The following NCKAP5 variants were observed in gnomAD, a reference collection of about 807,000 sequenced individuals.
The protein encoded by NCKAP5 is nck-associated protein 5.
Under a neutral mutation model 167.0 loss-of-function variants are expected in NCKAP5, and 92 were observed. The observed-to-expected ratio is 0.55, with a 90% CI of 0.47 to 0.66. NCKAP5 has a LOEUF of 0.66. Ranked by LOEUF, NCKAP5 falls within the 30% of genes least tolerant of loss-of-function variation. The probability of loss-of-function intolerance (pLI) is 0.00; values close to 1 mark genes in which losing one functional copy is unlikely to be tolerated. For synonymous variants in NCKAP5, 891 were observed against 877.4 expected, an observed-to-expected ratio of 1.02 and a Z score of -0.27; for missense variants, 2,378 against 2,315.0, an observed-to-expected ratio of 1.03 and a Z score of -0.56.
rs141500335 is a variant in NCKAP5, at chr2:132,698,791, G to A, written c.5714-25486C>T. On this transcript the variant is annotated intron_variant, in intron 19 of 19. Coordinates refer to ENST00000409261, the MANE Select transcript of NCKAP5 (RefSeq NM_207363.3). The stretch of plus-strand genomic sequence containing the variant: ...AAGGGTTGCAGTGAGCCAAGATCAC[G>A]CCATTGCACTACAGCCTGGGTAACA... Among the ~76,000 whole-genome samples the A allele has an allele frequency of 4.8e-3, 736 of 152,070 alleles. 4 individuals carry two copies. Among genetic ancestry groups the A allele is most frequent in the African/African-American group, 0.017 (701 of 41,480 alleles).
intron 16 of NCKAP5, among the ~76,000 whole-genome samples, chr2:132,744,369 A>C (rs1038904420): frequency 6.6e-6 from 1 of 151,710 alleles, no homozygotes; most frequent in Non-Finnish European, 1.5e-5. Context: ...AATAGAAGAA[A>C]GATGTCTAGA....
intron 4 of NCKAP5, among the ~76,000 whole-genome samples, chr2:133,286,007 T>C (rs776973852): frequency 2.6e-5 from 4 of 151,930 alleles, no homozygotes; most frequent in Non-Finnish European, 5.9e-5. Context: ...TTCTTTTTTT[T>C]TTTTTTGAGG....
At chr2:132,765,702 A>G (rs1400783960) in intron 16 of NCKAP5, among the ~76,000 whole-genome samples, 1 of 152,178 alleles carries the variant, frequency 6.6e-6, no homozygotes, top group Non-Finnish European at 1.5e-5. Context: ...CTGCAGGCTG[A>G]GATGCTAGAT....
chr2:133,299,517 C>A (rs995920948), intron 4 of NCKAP5, among the ~76,000 whole-genome samples: 8 of 151,972 alleles, frequency 5.3e-5, no homozygotes, highest in African/African-American at 1.9e-4. Flanking sequence ...GAGTCCAAGG[C>A]GGGTGGATCA....
chr2:132,722,931 T>C (rs1456944078), intron 19 of NCKAP5, among the ~76,000 whole-genome samples: 1 of 151,976 alleles, frequency 6.6e-6, no homozygotes, highest in African/African-American at 2.4e-5. Context: ...GCCTCCCACC[T>C]TCCTCTCCCG....
intron 16 of NCKAP5, among the ~76,000 whole-genome samples, chr2:132,760,721 C>G (rs1027218163): frequency 1.3e-5 from 2 of 152,134 alleles, no homozygotes; most frequent in African/African-American, 4.8e-5. Context: ...TGGGTTCTGC[C>G]AGATTCCAAG....
chr2:133,511,698 T>C (rs1192510723), intron 3 of NCKAP5, among the ~76,000 whole-genome samples: 1 of 152,210 alleles, frequency 6.6e-6, no homozygotes. Context: ...CTATTCTAAG[T>C]ACATGTAAGA....
rs2086315245 is a variant in NCKAP5, at chr2:133,213,903, C to T, written c.144-124G>A. ...CTTCCTTGGTTTAGCTCACTTCCTC[C>T]TCTATACTTTCTATAAATATTTAAA... is the stretch of plus-strand genomic sequence containing the variant. On this transcript the variant is annotated intron_variant, in intron 4 of 19. Transcript: ENST00000409261. 5.0e-6 allele frequency: 4 copies of T among 797,288 alleles called. No homozygotes were observed. The Admixed American group carries it at 6.9e-5, about 14-fold the overall frequency. The allele number at this position is 797,288 out of a possible 1,614,324, so 49.4% of individuals were successfully genotyped here. A position where few individuals can be genotyped will look rare whatever the true frequency, so the allele number is the denominator to read the frequency against.
intron 3 of NCKAP5, among the ~76,000 whole-genome samples, chr2:133,492,143 T>TTGTGTGTGTGTGTGTGTG (rs780998843): frequency 1.3e-4 from 11 of 84,452 alleles, no homozygotes; most frequent in South Asian, 7.8e-4. Context: ...CATATCTAGT[T>TTGTGTGTGTGTGTGTGTG]AGTGTGTGTG....
At chr2:133,092,389 G>A (rs1221067236) in intron 6 of NCKAP5, among the ~76,000 whole-genome samples, 1 of 152,148 alleles carries the variant, frequency 6.6e-6, no homozygotes, top group African/African-American at 2.4e-5. Flanking sequence ...CTAGGAAGGA[G>A]CAAAGAAGAA....
the NCKAP5 span, among the ~76,000 whole-genome samples, chr2:133,671,144 G>A: frequency 6.7e-6 from 1 of 150,154 alleles, no homozygotes. Flanking sequence ...GAACCCAGGA[G>A]GCGGAGTTTG....
At chr2:133,430,242 C>T (rs7575284) in intron 3 of NCKAP5, among the ~76,000 whole-genome samples, 56,331 of 151,870 alleles carry the variant, frequency 0.37, 11,929 homozygotes, top group African/African-American at 0.59. Context: ...CTTGTTGACT[C>T]ATTTAAGTTT....
chr2:133,048,085 G>A (rs927122053), intron 6 of NCKAP5, among the ~76,000 whole-genome samples: 2 of 152,168 alleles, frequency 1.3e-5, no homozygotes, highest in Non-Finnish European at 2.9e-5. Flanking sequence ...ACCTTCCACA[G>A]TGTCTCACTG....
intron 2 of NCKAP5, among the ~76,000 whole-genome samples, chr2:133,546,263 A>G (rs1686665267): frequency 6.6e-6 from 1 of 152,238 alleles, no homozygotes; most frequent in African/African-American, 2.4e-5. Flanking sequence ...AGATTTGCAG[A>G]AAGGACAGGA....
In NCKAP5 at chr2:133,155,469, C is replaced by T. The variant is rs147190933; in HGVS notation, c.208-25358G>A. Among the ~76,000 whole-genome samples, 890 of 152,238 alleles carry T rather than the reference C, an allele frequency of 5.8e-3. 15 individuals carry two copies. Among genetic ancestry groups the T allele is most frequent in the East Asian group, 0.021 (109 of 5,178 alleles). ...TTGAGAACCCCTGCCACAGCTCTTT[C>T]CCTGGAAGGTTACTGAGCTACTTCT... On this transcript the variant is annotated intron_variant, in intron 5 of 19. Transcript: ENST00000409261.
chr2:133,029,920 T>C (rs1374118095), intron 6 of NCKAP5, among the ~76,000 whole-genome samples: 2 of 152,180 alleles, frequency 1.3e-5, no homozygotes, highest in Admixed American at 1.3e-4. Flanking sequence ...TCTGGTTATA[T>C]AGCTAACTCC....
chr2:133,585,839 C>T, the NCKAP5 span, among the ~76,000 whole-genome samples: 1 of 152,184 alleles, frequency 6.6e-6, no homozygotes, highest in Non-Finnish European at 1.5e-5. Flanking sequence ...TGTTGGACCT[C>T]AAAGTCTGTG....
intron 6 of NCKAP5, among the ~76,000 whole-genome samples, chr2:133,003,813 T>G (rs1342241201): frequency 6.6e-6 from 1 of 152,210 alleles, no homozygotes; most frequent in Non-Finnish European, 1.5e-5. Flanking sequence ...AAGATGCTAG[T>G]CCAATTTGAA....
chr2:133,221,928 G>C (rs2086677385), intron 4 of NCKAP5, among the ~76,000 whole-genome samples: 1 of 152,126 alleles, frequency 6.6e-6, no homozygotes, highest in South Asian at 2.1e-4. Flanking sequence ...TTTGGTGCCA[G>C]GATTTTATTC....
Sources: allele counts gnomAD v4.1 joint callset (sites outside exome capture counted in the v4.1 genomes callset), GRCh38; gene constraint gnomAD v4.1.1; transcripts MANE v1.5; gene names NCBI Gene and HGNC (gene_info 2026-07-23, HGNC 2026-07-21).